ASXL3: variants seen among roughly 807,000 people sequenced by gnomAD.
ASXL3 encodes the protein putative Polycomb group protein ASXL3.
ASXL3 carries 34 observed loss-of-function variants against 170.6 expected under a neutral mutation model. That is an observed-to-expected ratio of 0.20 (90% confidence interval 0.15 to 0.27). The LOEUF is 0.27. ASXL3 is among the 10% of genes least tolerant of loss of function. The pLI, the probability that ASXL3 is intolerant of heterozygous loss-of-function variation, is 1.00. For missense variants in ASXL3, 2,592 were observed against 2,695.3 expected (o/e 0.96, Z 0.85); for synonymous variants, 1,002 against 989.1 (o/e 1.01, Z -0.24).
chr18:33,644,037 AATTTG>A (rs2065882636), intron 2 of ASXL3, among the ~76,000 whole-genome samples: 1 of 151,896 alleles, frequency 6.6e-6, no homozygotes, highest in African/African-American at 2.4e-5. Flanking sequence ...CAAAACACAA[AATTTG>A]TTCCAAAATC....
At chr18:33,737,321 T>C (rs765674639) in intron 10 of ASXL3, among the ~76,000 whole-genome samples, 3 of 152,192 alleles carry the variant, frequency 2.0e-5, no homozygotes, top group African/African-American at 4.8e-5. Flanking sequence ...CACTGAGGTA[T>C]TGTTTGCATC....
At chr18:33,645,416 T>G (rs887556303) in intron 3 of ASXL3, among the ~76,000 whole-genome samples, 1 of 151,910 alleles carries the variant, frequency 6.6e-6, no homozygotes, top group Non-Finnish European at 1.5e-5. Context: ...TCATTCTGCT[T>G]GAAAACATTG....
Position 33,738,468 on chromosome 18 carries a change from A to G in ASXL3, c.1083-19A>G. The G allele has an allele frequency of 6.4e-7, 1 of 1,568,274 alleles. No homozygotes were observed. ...ATGTTTTGTGGTTGAGCAATAATTT[A>G]TTTCTAATTTCTGTACAGGCTGGGC... On this transcript the variant is annotated intron_variant, in intron 10 of 11. Coordinates refer to ENST00000269197, the MANE Select transcript of ASXL3 (RefSeq NM_030632.3).
At chr18:33,741,075 T>TA (rs2067653743) in intron 11 of ASXL3, among the ~76,000 whole-genome samples, 1 of 152,220 alleles carries the variant, frequency 6.6e-6, no homozygotes, top group Non-Finnish European at 1.5e-5. Flanking sequence ...TGGTTGTACT[T>TA]ACTCTTTTTA....
chr18:33,746,267 A>T lies in ASXL3; in HGVS notation c.6419A>T (p.Gln2140Leu). Residue 2140 changes from glutamine to leucine, a missense_variant, in exon 12 of 12, where the codon CAG becomes CTG. Around this residue, in one of 4 missense-constraint regions of ASXL3, gnomAD observed 2,246 missense variants for 2,219.6 expected, o/e 1.01. Transcript: ENST00000269197. ...AAGCCTTTTACCCAATTAGCTGCTC[A>T]GAAAATGCAGGTGCAGCAACAACAG... Reference protein sequence around the residue: ...PQKPFTQLAAQKMQVQQQQQL... With the variant: ...PQKPFTQLAALKMQVQQQQQL... 1.2e-6 allele frequency: 2 copies of T among 1,614,050 alleles called. No individual in the cohort carries two copies. The highest frequency in any genetic ancestry group is 1.7e-6 in the Non-Finnish European group (2 of 1,179,896).
At chr18:33,725,623 A>G (rs535661150) in intron 8 of ASXL3, among the ~76,000 whole-genome samples, 1 of 152,326 alleles carries the variant, frequency 6.6e-6, no homozygotes, top group South Asian at 2.1e-4. Context: ...AATATTTACC[A>G]TTGAGCATCT....
In ASXL3 at chr18:33,717,180, G is replaced by A. The variant is rs546109611; in HGVS notation, c.880-14788G>A. 3.3e-5 allele frequency among the ~76,000 whole-genome samples: 5 copies of A among 152,236 alleles called. No individual in the cohort carries two copies. In the South Asian group the frequency reaches 1.0e-3, roughly 32 times the overall value. The stretch of plus-strand genomic sequence containing the variant: ...TCAAGGCTAAAGAGCTGATTTCTCA[G>A]TAGAATAATAGTGACAGTAGAGGTC... On this transcript the variant is annotated intron_variant, in intron 8 of 11. Transcript: ENST00000269197.
At chr18:33,658,570 C>T (rs914887251) in intron 4 of ASXL3, among the ~76,000 whole-genome samples, 2 of 151,978 alleles carry the variant, frequency 1.3e-5, no homozygotes, top group Non-Finnish European at 2.9e-5. Context: ...TTTTTTCTTT[C>T]CTGATTTTTT....
chr18:33,640,624 G>A (rs1471905647), intron 2 of ASXL3, among the ~76,000 whole-genome samples: 15 of 152,032 alleles, frequency 9.9e-5, no homozygotes. Context: ...TTCACAAAGT[G>A]AACACAGATA....
chr18:33,578,892 T>C (rs932105654), intron 1 of ASXL3: 1 of 213,786 alleles, frequency 4.7e-6, no homozygotes, highest in Non-Finnish European at 8.8e-6. Context: ...AGCGATTATC[T>C]CCGGGAGCCC....
chr18:33,608,928 C>A, intron 2 of ASXL3: 2 of 532,120 alleles, frequency 3.8e-6, no homozygotes, highest in Non-Finnish European at 4.8e-6. Flanking sequence ...AATTTACTGG[C>A]GTACAGGACA....
chr18:33,746,677 G>T lies in ASXL3; in HGVS notation c.*82G>T, dbSNP rs1359776915. The T allele has an allele frequency of 6.8e-7, 1 of 1,479,628 alleles. No homozygotes were observed. Among genetic ancestry groups the T allele is most frequent in the East Asian group, 2.3e-5 (1 of 43,496 alleles). The allele number at this position is 1,479,628 out of a possible 1,614,324, so 91.7% of individuals were successfully genotyped here. A position where few individuals can be genotyped will look rare whatever the true frequency, so the allele number is the denominator to read the frequency against. ...GCAACAACAAATAGAATAATGCAGT[G>T]GTTTCTATCATGCTAATTTATTTTG... On this transcript the variant is annotated 3_prime_UTR_variant, in exon 12 of 12. Coordinates refer to ENST00000269197, the MANE Select transcript of ASXL3 (RefSeq NM_030632.3).
At chr18:33,687,381 T>C (rs2066613781) in intron 8 of ASXL3, among the ~76,000 whole-genome samples, 1 of 152,198 alleles carries the variant, frequency 6.6e-6, no homozygotes, top group Non-Finnish European at 1.5e-5. Flanking sequence ...TGAATTTGAT[T>C]ACATAGATTT....
At chr18:33,666,404 G>A (rs2066256728) in intron 5 of ASXL3, among the ~76,000 whole-genome samples, 1 of 152,064 alleles carries the variant, frequency 6.6e-6, no homozygotes, top group Non-Finnish European at 1.5e-5. Flanking sequence ...ATGTGTAATA[G>A]AAAAAGCTGC....
chr18:33,740,111 C>A lies in ASXL3; in HGVS notation c.2707C>A (p.Gln903Lys). 1 of 1,613,848 alleles carries A rather than the reference C, an allele frequency of 6.2e-7. No homozygotes were observed. Among genetic ancestry groups the A allele is most frequent in the South Asian group, 1.1e-5 (1 of 91,078 alleles). Residue 903 changes from glutamine to lysine, a missense_variant, in exon 11 of 12, where the codon CAG (glutamine) becomes AAG (lysine). By Grantham distance (53) the Gln-to-Lys change is moderately conservative. Transcript: ENST00000269197. ...KGNELPSAKL[Q>K]DKQYISSVDK... ...AAATGAGCTTCCATCTGCTAAATTA[C>A]AGGACAAGCAATATATCTCATCAGT...
rs748002213 is a variant in ASXL3, at chr18:33,734,280, T to A, written c.977-30T>A. The A allele has an allele frequency of 2.7e-6, 4 of 1,486,812 alleles. No homozygotes were observed. In the South Asian group the frequency reaches 5.0e-5, roughly 19 times the overall value. 92.1% of individuals were successfully genotyped at this position (1,486,812 alleles called of 1,614,324 possible). On this transcript the variant is annotated intron_variant, in intron 9 of 11. Coordinates refer to ENST00000269197, the MANE Select transcript of ASXL3 (RefSeq NM_030632.3). Reference sequence around the variant, plus strand: ...TAATTAGCAAAAGATGTGACCACATTTATTCAATACATTAGCATTTTCTTT... The same window carrying A: ...TAATTAGCAAAAGATGTGACCACATATATTCAATACATTAGCATTTTCTTT...
rs771717680 is a variant in ASXL3, at chr18:33,745,918, C to A, written c.6070C>A (p.Pro2024Thr). 5.1e-6 allele frequency: 8 copies of A among 1,580,308 alleles called. No homozygotes were observed. The South Asian group carries it at 9.1e-5, about 18-fold the overall frequency. Residue 2024 changes from proline (P) to threonine (T), a missense_variant, in exon 12 of 12, where the codon CCT (proline) becomes ACT (threonine). Pro to Thr is a conservative substitution (Grantham distance 38, BLOSUM62 -1). Coordinates refer to ENST00000269197, the MANE Select transcript of ASXL3 (RefSeq NM_030632.3). Reference sequence around the variant, plus strand: ...ACATCCGCCGCCGCCACCGCCTCCCCCTCCCCCTCCACCCTTGGCTTTGCC... The same window carrying A: ...ACATCCGCCGCCGCCACCGCCTCCCACTCCCCCTCCACCCTTGGCTTTGCC... ...LVHPPPPPPP[P>T]PPPPLALPPP...
chr18:33,683,582 T>C lies in ASXL3; in HGVS notation c.879+14T>C. On this transcript the variant is annotated intron_variant, in intron 8 of 11. Coordinates refer to ENST00000269197, the MANE Select transcript of ASXL3 (RefSeq NM_030632.3). ...GTGGATAGGCAGGTAAGTAGAAGTT[T>C]TAGACATTTGATACCAGCCACTAGT... is the stretch of plus-strand genomic sequence containing the variant. 1 of 1,604,482 alleles carries C rather than the reference T, an allele frequency of 6.2e-7. No homozygotes were observed. The highest frequency in any genetic ancestry group is 1.1e-5 in the South Asian group (1 of 89,694).
At chr18:33,617,585 G>GCATGTA (rs1397276746) in intron 2 of ASXL3, among the ~76,000 whole-genome samples, 2 of 152,148 alleles carry the variant, frequency 1.3e-5, no homozygotes, top group Admixed American at 6.5e-5. Flanking sequence ...TGTGGTGACT[G>GCATGTA]CATGTATATT....
Sources: gnomAD v4.1 joint callset for allele counts (sites outside exome capture counted in the v4.1 genomes callset) on GRCh38, gnomAD v4.1.1 for gene constraint, gnomAD v4.1.1 regional missense constraint, MANE v1.5 for transcripts, NCBI Gene and HGNC (gene_info 2026-07-23, HGNC 2026-07-21) for gene names.